The following RAD51B variants were observed in gnomAD, a reference collection of about 807,000 sequenced individuals.
RAD51B encodes RAD51 paralog B.
In RAD51B, 38 loss-of-function variants were observed where a neutral mutation model predicts 42.2. That is an observed-to-expected ratio of 0.90 (90% CI 0.70 to 1.18). The LOEUF is 1.18. Among genes scored for constraint, RAD51B ranks in the 50% most tolerant of loss-of-function variants. The probability of loss-of-function intolerance (pLI) is 0.00; values close to 1 mark genes in which losing one functional copy is unlikely to be tolerated. For missense variants in RAD51B, 373 were observed against 400.7 expected, an observed-to-expected ratio of 0.93 and a Z score of 0.59; for synonymous variants, 154 against 145.2, an observed-to-expected ratio of 1.06 and a Z score of -0.43.
intron 10 of RAD51B, chr14:68,563,638 A>G (rs555051762): frequency 1.0e-6 from 1 of 985,442 alleles, no homozygotes; most frequent in African/African-American, 1.7e-5. Context: ...GGCTTGAAAA[A>G]TGGGCCATCG....
At chr14:68,109,426 G>A (rs986878650) in intron 7 of RAD51B, among the ~76,000 whole-genome samples, 2 of 151,964 alleles carry the variant, frequency 1.3e-5, no homozygotes, top group Admixed American at 1.3e-4. Context: ...CTAATGAGAT[G>A]TGTGAGTGTC....
At chr14:68,033,480 C>T (rs1247779755) in intron 7 of RAD51B, among the ~76,000 whole-genome samples, 1 of 151,908 alleles carries the variant, frequency 6.6e-6, no homozygotes, top group African/African-American at 2.4e-5. Context: ...GCACTTCTGC[C>T]AACTCTTATT....
At position 68,091,773 on chromosome 14, in the gene RAD51B, C is replaced by T. The variant is rs1399810220; in HGVS notation, c.757-200111C>T. 3.9e-5 allele frequency among the ~76,000 whole-genome samples: 6 copies of T among 152,282 alleles called. No homozygotes were observed. In the South Asian group the frequency reaches 1.0e-3, roughly 26 times the overall value. On this transcript the variant is annotated intron_variant, in intron 7 of 10. Coordinates refer to ENST00000471583, the MANE Select transcript of RAD51B (RefSeq NM_133510.4). ...GTGTGTTAGACATGAAGTCCTTGCC[C>T]ATGTCTGTGTCCTGAATGGTATTGC...
chr14:68,561,351 G>A (rs999384221), intron 10 of RAD51B, among the ~76,000 whole-genome samples: 5 of 152,146 alleles, frequency 3.3e-5, no homozygotes, highest in African/African-American at 1.2e-4. Context: ...GCAGAGCCTG[G>A]GAATCTGCAT....
At chr14:68,319,337 ATT>A (rs758176948) in intron 8 of RAD51B, among the ~76,000 whole-genome samples, 5 of 152,310 alleles carry the variant, frequency 3.3e-5, no homozygotes, top group Non-Finnish European at 7.3e-5. Flanking sequence ...AAAATTATTC[ATT>A]GTTTACCTGA....
Position 67,892,515 on chromosome 14 carries a change from T to C in RAD51B, c.756+5311T>C, listed in dbSNP as rs2043251032. 2.6e-5 allele frequency among the ~76,000 whole-genome samples: 4 copies of C among 152,324 alleles called. No individual in the cohort carries two copies. The South Asian group carries it at 8.3e-4, about 32-fold the overall frequency. On this transcript the variant is annotated intron_variant, in intron 7 of 10. Transcript: ENST00000471583. ...GGTTAATTCAGCTAGCATGGGTTAC[T>C]CATATCCAGCCATTCCCAAAAAAGG...
Position 68,170,866 on chromosome 14 carries a change from C to T in RAD51B, c.757-121018C>T, listed in dbSNP as rs142572979. On this transcript the variant is annotated intron_variant, in intron 7 of 10. Coordinates refer to ENST00000471583, the MANE Select transcript of RAD51B (RefSeq NM_133510.4). ...ACAACTTTTTATTCTCATTTCTGAA[C>T]ATAAAATGTTGATGAAAAAAATGTA... Among the ~76,000 whole-genome samples the T allele has an allele frequency of 2.9e-4, 44 of 152,272 alleles. 1 individual carries two copies. The East Asian group carries it at 8.5e-3, about 29-fold the overall frequency.
intron 8 of RAD51B, among the ~76,000 whole-genome samples, chr14:68,308,597 T>C (rs1398045442): frequency 1.3e-5 from 2 of 151,860 alleles, no homozygotes. Flanking sequence ...AAACAAAACT[T>C]TCTAGAGGAG....
intron 7 of RAD51B, among the ~76,000 whole-genome samples, chr14:68,163,927 TA>T (rs1313835348): frequency 6.6e-6 from 1 of 152,226 alleles, no homozygotes; most frequent in African/African-American, 2.4e-5. Flanking sequence ...AATACTGTAA[TA>T]AATGGTGCTG....
At chr14:67,966,216 C>T (rs895427907) in intron 7 of RAD51B, among the ~76,000 whole-genome samples, 7 of 152,150 alleles carry the variant, frequency 4.6e-5, no homozygotes, top group Admixed American at 3.3e-4. Flanking sequence ...ACTCACAGGA[C>T]CACGAGCCTT....
At chr14:68,344,366 C>T (rs1370023391) in intron 8 of RAD51B, among the ~76,000 whole-genome samples, 5 of 152,214 alleles carry the variant, frequency 3.3e-5, no homozygotes, top group Admixed American at 2.0e-4. Flanking sequence ...TAATGACTGC[C>T]GCCGAGCGTA....
chr14:68,465,951 AAAATAAAT>A (rs201431600), intron 9 of RAD51B, among the ~76,000 whole-genome samples: 12 of 90,504 alleles, frequency 1.3e-4, no homozygotes, highest in South Asian at 6.4e-4. Context: ...AAAAAAAAAA[AAAATAAAT>A]AAATAAATAA....
intron 10 of RAD51B, among the ~76,000 whole-genome samples, chr14:68,530,319 C>A (rs140984562): frequency 0.017 from 2,609 of 151,606 alleles, 42 homozygotes; most frequent in Non-Finnish European, 0.029. Context: ...TAATGGCATG[C>A]ACCTATAGTC....
intron 10 of RAD51B, among the ~76,000 whole-genome samples, chr14:68,577,742 TCACA>T (rs139667426): frequency 2.0e-5 from 3 of 149,656 alleles, no homozygotes; most frequent in Admixed American, 6.7e-5. Flanking sequence ...ACCTCTCTCA[TCACA>T]CACACACACA....
chr14:68,054,980 G>GA (rs2076451303), intron 7 of RAD51B, among the ~76,000 whole-genome samples: 1 of 152,124 alleles, frequency 6.6e-6, no homozygotes, highest in African/African-American at 2.4e-5. Context: ...TGTGTGGGGG[G>GA]AAAATCCCCA....
intron 7 of RAD51B, among the ~76,000 whole-genome samples, chr14:68,073,248 T>C (rs766686874): frequency 8.5e-5 from 13 of 152,240 alleles, no homozygotes; most frequent in Admixed American, 1.3e-4. Flanking sequence ...GACTTCTTGT[T>C]GATTTGAACC....
At chr14:68,288,157 G>T (rs1190465178) in intron 7 of RAD51B, among the ~76,000 whole-genome samples, 1 of 152,196 alleles carries the variant, frequency 6.6e-6, no homozygotes, top group Non-Finnish European at 1.5e-5. Context: ...TATTTCATGT[G>T]TTATTTTAAG....
At chr14:67,985,302 T>A (rs11846344) in intron 7 of RAD51B, among the ~76,000 whole-genome samples, 41,512 of 152,036 alleles carry the variant, frequency 0.27, 7,359 homozygotes, top group African/African-American at 0.5. Flanking sequence ...CTTTAAGCTA[T>A]GTAGTTTAGT....
chr14:68,517,220 G>T (rs1203448138), intron 10 of RAD51B, among the ~76,000 whole-genome samples: 3 of 151,930 alleles, frequency 2.0e-5, no homozygotes, highest in African/African-American at 4.8e-5. Flanking sequence ...AAAAGAAAGG[G>T]AAGGGAAGGG....
Sources: allele counts gnomAD v4.1 joint callset (sites outside exome capture counted in the v4.1 genomes callset), GRCh38; gene constraint gnomAD v4.1.1; transcripts MANE v1.5; gene names NCBI Gene and HGNC (gene_info 2026-07-23, HGNC 2026-07-21).